CDH18: variants seen among roughly 807,000 people sequenced by gnomAD.
The protein encoded by CDH18 is cadherin 18, also known as cadherin-18.
A neutral mutation model predicts 67.9 loss-of-function variants in CDH18; 31 were observed. That is an observed-to-expected ratio of 0.46 (90% CI 0.34 to 0.62). The LOEUF (loss-of-function observed/expected upper bound fraction) is 0.62, where lower values mean the gene tolerates loss of function less well. CDH18 is among the 20% of genes least tolerant of loss of function. The probability of loss-of-function intolerance (pLI) is 0.01; values close to 1 mark genes in which losing one functional copy is unlikely to be tolerated. For synonymous variants in CDH18, 362 were observed against 347.2 expected, an observed-to-expected ratio of 1.04 and a Z score of -0.48; for missense variants, 890 against 975.5, an observed-to-expected ratio of 0.91 and a Z score of 1.17.
In CDH18 at chr5:19,994,855, T is replaced by TATATATATATATATAGAGAGAGAGAGAG. The variant is rs760777430; in HGVS notation, c.-517-2842_-517-2841insCTCTCTCTCTCTCTATATATATATATAT. Among the ~76,000 whole-genome samples the TATATATATATATATAGAGAGAGAGAGAG allele has an allele frequency of 5.9e-5, 4 of 67,586 alleles. 1 individual carries two copies. Among genetic ancestry groups the TATATATATATATATAGAGAGAGAGAGAG allele is most frequent in the African/African-American group, 2.2e-4 (3 of 13,586 alleles). 44.3% of individuals were successfully genotyped at this position (67,586 alleles called of 152,430 possible). On this transcript the variant is annotated intron_variant, in intron 2 of 14. Coordinates refer to the CDH18 transcript ENST00000507958. ...ATATATATATATATATATATATATA[T>TATATATATATATATAGAGAGAGAGAGAG]AGAGAGAGAGAGAGAGAGAGAGATG...
chr5:19,485,301 G>A (rs1475627743), intron 11 of CDH18, among the ~76,000 whole-genome samples: 1 of 150,822 alleles, frequency 6.6e-6, no homozygotes, highest in Non-Finnish European at 1.5e-5. Flanking sequence ...TGTTGCCCAG[G>A]CTGGAGTGCA....
intron 1 of CDH18, among the ~76,000 whole-genome samples, chr5:19,987,650 A>G (rs542027160): frequency 6.6e-6 from 1 of 152,296 alleles, no homozygotes; most frequent in Non-Finnish European, 1.5e-5. Context: ...AAAAAGCACT[A>G]TCGAAAATTC....
chr5:20,511,905 ATTTC>A (rs1239952306), intron 1 of CDH18, among the ~76,000 whole-genome samples: 6 of 152,038 alleles, frequency 3.9e-5, no homozygotes, highest in African/African-American at 1.2e-4. Context: ...GTATTTTCTT[ATTTC>A]TTGAGTTAAT....
intron 3 of CDH18, among the ~76,000 whole-genome samples, chr5:19,831,813 T>C (rs1781063960): frequency 1.3e-5 from 2 of 152,136 alleles, no homozygotes; most frequent in Admixed American, 6.6e-5. Flanking sequence ...CATATGTTCA[T>C]TGCAGCACTA....
chr5:20,408,909 G>GCT (rs1746528705), intron 1 of CDH18, among the ~76,000 whole-genome samples: 1 of 151,580 alleles, frequency 6.6e-6, no homozygotes, highest in Non-Finnish European at 1.5e-5. Flanking sequence ...AACAAAGAAA[G>GCT]CTAGGAATAC....
chr5:19,878,355 T>G (rs1180046245), intron 2 of CDH18, among the ~76,000 whole-genome samples: 1 of 151,662 alleles, frequency 6.6e-6, no homozygotes, highest in East Asian at 1.9e-4. Context: ...TACTAGAACG[T>G]ATTTATATTA....
At chr5:19,759,086 G>T (rs537298958) in intron 3 of CDH18, among the ~76,000 whole-genome samples, 1 of 152,236 alleles carries the variant, frequency 6.6e-6, no homozygotes. Context: ...AAAGGCATTT[G>T]CCAAGTCAAT....
At chr5:19,990,368 G>C (rs1287013312), upstream of CDH18, among the ~76,000 whole-genome samples, 1 of 152,124 alleles carries the variant, frequency 6.6e-6, no homozygotes, top group African/African-American at 2.4e-5. Context: ...AGCATCTTAG[G>C]GATACACTTC....
At chr5:20,103,586 A>G (rs899896953) in intron 2 of CDH18, among the ~76,000 whole-genome samples, 2 of 149,824 alleles carry the variant, frequency 1.3e-5, no homozygotes, top group African/African-American at 4.9e-5. Flanking sequence ...AAAAAAAAAA[A>G]GCTGGGAGTG....
chr5:19,557,108 G>A (rs900515997), intron 8 of CDH18, among the ~76,000 whole-genome samples: 9 of 152,106 alleles, frequency 5.9e-5, no homozygotes, highest in African/African-American at 2.2e-4. Flanking sequence ...CCACTACCAA[G>A]CCAGCACTAC....
chr5:20,327,336 G>A (rs139039926), intron 1 of CDH18, among the ~76,000 whole-genome samples: 2 of 152,034 alleles, frequency 1.3e-5, no homozygotes, highest in African/African-American at 2.4e-5. Flanking sequence ...GTAGATTTAC[G>A]GAGCAAATGA....
chr5:20,437,872 A>T (rs1749291446), intron 1 of CDH18, among the ~76,000 whole-genome samples: 1 of 151,412 alleles, frequency 6.6e-6, no homozygotes, highest in African/African-American at 2.4e-5. Context: ...ATAATAAATA[A>T]AATTATAGAA....
intron 2 of CDH18, among the ~76,000 whole-genome samples, chr5:19,898,060 C>T (rs1789543139): frequency 1.3e-5 from 2 of 151,978 alleles, no homozygotes; most frequent in African/African-American, 2.4e-5. Context: ...TCTTTCTGTA[C>T]CTATTCTGAA....
At chr5:19,728,862 T>G (rs1218107704) in intron 4 of CDH18, among the ~76,000 whole-genome samples, 1 of 152,116 alleles carries the variant, frequency 6.6e-6, no homozygotes, top group African/African-American at 2.4e-5. Flanking sequence ...CCAGGAAACA[T>G]GAAAAAGAAA....
chr5:19,531,769 T>C (rs1318517880), intron 9 of CDH18, among the ~76,000 whole-genome samples: 1 of 152,118 alleles, frequency 6.6e-6, no homozygotes, highest in Non-Finnish European at 1.5e-5. Context: ...CTGTCTCTAT[T>C]AAAAACAAAT....
intron 2 of CDH18, among the ~76,000 whole-genome samples, chr5:19,857,411 C>T (rs1237947459): frequency 6.6e-6 from 1 of 152,080 alleles, no homozygotes; most frequent in African/African-American, 2.4e-5. Flanking sequence ...TTAACTTCTT[C>T]AGTATAAATG....
chr5:20,303,368 G>A (rs1293411052), intron 1 of CDH18, among the ~76,000 whole-genome samples: 1 of 152,004 alleles, frequency 6.6e-6, no homozygotes, highest in Non-Finnish European at 1.5e-5. Flanking sequence ...ACTACCTCAT[G>A]AATAGACACT....
chr5:19,521,840 G>A (rs763166087), intron 9 of CDH18, among the ~76,000 whole-genome samples: 2 of 151,994 alleles, frequency 1.3e-5, no homozygotes, highest in South Asian at 2.1e-4. Flanking sequence ...AAAGTAACAG[G>A]TAATTACAGT....
At chr5:20,019,650 T>A (rs956574657) in intron 2 of CDH18, among the ~76,000 whole-genome samples, 2 of 152,246 alleles carry the variant, frequency 1.3e-5, no homozygotes, top group African/African-American at 4.8e-5. Context: ...CTCCCAGCCA[T>A]GCTTCCTGTA....
Sources: allele counts gnomAD v4.1 joint callset (sites outside exome capture counted in the v4.1 genomes callset), GRCh38; gene constraint gnomAD v4.1.1; transcripts MANE v1.5; gene names NCBI Gene and HGNC (gene_info 2026-07-23, HGNC 2026-07-21).